PCDHGA6: variants seen among roughly 807,000 people sequenced by gnomAD.
PCDHGA6 encodes protocadherin gamma-A6.
PCDHGA6 carries 41 observed loss-of-function variants against 60.6 expected under a neutral mutation model. That is an observed-to-expected ratio of 0.68 (90% confidence interval 0.53 to 0.88). PCDHGA6 has a LOEUF of 0.88. Among genes scored for constraint, PCDHGA6 ranks in the 40% least tolerant of loss-of-function variants. The pLI is 0.00. For synonymous variants in PCDHGA6, 594 were observed against 524.4 expected, an observed-to-expected ratio of 1.13 and a Z score of -1.81; for missense variants, 1,312 against 1,203.0, an observed-to-expected ratio of 1.09 and a Z score of -1.34.
chr5:141,376,590 G>T, intron 1 of PCDHGA6, 83 bp downstream of exon 1: 3 of 1,570,160 alleles, frequency 1.9e-6, no homozygotes, highest in Non-Finnish European at 1.7e-6. Flanking sequence ...CAGCTAGATC[G>T]GCTGTTATAG....
intron 1 of PCDHGA6, chr5:141,392,880 C>G (rs779595460): frequency 3.1e-6 from 5 of 1,613,564 alleles, no homozygotes; most frequent in Non-Finnish European, 2.5e-6. Flanking sequence ...GCTGGGAACG[C>G]TGTGGGAAAT....
chr5:141,480,112 C>T (rs531082602), intron 1 of PCDHGA6, among the ~76,000 whole-genome samples: 2 of 152,190 alleles, frequency 1.3e-5, no homozygotes, highest in Admixed American at 1.3e-4. Flanking sequence ...TAGCATGGTG[C>T]CTGGCATATC....
rs1231863269 is a variant in PCDHGA6 at position 141,485,594 on chromosome 5, G to A, written c.2425-9213G>A. 1.9e-6 allele frequency: 3 copies of A among 1,612,578 alleles called. No individual in the cohort carries two copies. The highest frequency in any genetic ancestry group is 2.5e-6 in the Non-Finnish European group (3 of 1,178,798). On this transcript the variant is annotated intron_variant, in intron 1 of 3. Transcript: ENST00000517434. The surrounding 1 kb of genome is among the most constrained non-coding windows in gnomAD (Gnocchi z 5.7). ...TTTTCCGCGGCAGCAGCTGGACTTGGAAATTGGGGAGGCAGCTCCTCCAGG... is the reference window on the plus strand; with the variant it reads ...TTTTCCGCGGCAGCAGCTGGACTTGAAAATTGGGGAGGCAGCTCCTCCAGG...
rs1193497090 is a variant in PCDHGA6 at position 141,485,890 on chromosome 5, C to T, written c.2425-8917C>T. On this transcript the variant is annotated intron_variant, in intron 1 of 3. Coordinates refer to ENST00000517434, the MANE Select transcript of PCDHGA6 (RefSeq NM_018919.3). This position sits in a 1 kb window ranked among gnomAD's most constrained non-coding sequence, Gnocchi z 5.7. ...CCGTGCTGGACGTAAACGACAACGC[C>T]CCAGCCTTCCAGCAATCCAGCTACA... The T allele has an allele frequency of 6.2e-6, 10 of 1,614,156 alleles. No homozygotes were observed. Among genetic ancestry groups the T allele is most frequent in the Non-Finnish European group, 6.8e-6 (8 of 1,180,022 alleles).
chr5:141,434,789 T>C (rs2097718008), intron 1 of PCDHGA6, among the ~76,000 whole-genome samples: 1 of 152,008 alleles, frequency 6.6e-6, no homozygotes, highest in African/African-American at 2.4e-5. Context: ...AAAAAATTTT[T>C]TTTTCTGAGC....
chr5:141,421,680 G>A (rs2096591907), intron 1 of PCDHGA6: 5 of 1,613,758 alleles, frequency 3.1e-6, no homozygotes, highest in Non-Finnish European at 4.2e-6. Context: ...TTCCTGGGGC[G>A]CGATTTGCTC....
chr5:141,454,493 A>G (rs1328573277), intron 1 of PCDHGA6, among the ~76,000 whole-genome samples: 1 of 151,866 alleles, frequency 6.6e-6, no homozygotes, highest in Non-Finnish European at 1.5e-5. Context: ...CGCAACCTCC[A>G]CCTCCTGGAT....
chr5:141,467,535 G>C (rs2099145685), intron 1 of PCDHGA6, among the ~76,000 whole-genome samples: 1 of 152,176 alleles, frequency 6.6e-6, no homozygotes, highest in South Asian at 2.1e-4. Flanking sequence ...GCTGAGATAT[G>C]GATCTGATTA....
intron 1 of PCDHGA6, among the ~76,000 whole-genome samples, chr5:141,453,643 T>G (rs1267570786): frequency 2.6e-5 from 4 of 152,240 alleles, no homozygotes; most frequent in Non-Finnish European, 5.9e-5. Flanking sequence ...TATATTTTCT[T>G]ATGTCCTCTT....
intron 1 of PCDHGA6, chr5:141,384,043 G>A (rs367639640): frequency 1.6e-5 from 26 of 1,612,650 alleles, no homozygotes; most frequent in Admixed American, 3.3e-5. Flanking sequence ...GAATGGTGAG[G>A]TGACCTGCAC....
chr5:141,399,327 G>C (rs2093787081), intron 1 of PCDHGA6: 2 of 1,613,936 alleles, frequency 1.2e-6, no homozygotes, highest in African/African-American at 1.3e-5. Flanking sequence ...CGTATAAGTT[G>C]GTAACAGATG....
chr5:141,374,657 C>T lies in PCDHGA6; in HGVS notation c.574C>T (p.Pro192Ser). The stretch of plus-strand genomic sequence containing the variant: ...AAGCGAAGCCCATGGGCCCAAGTAC[C>T]CGGAGCTGGTGCTGGAGGGCACACT... ...VQSEAHGPKY[P>S]ELVLEGTLDR... The change falls in exon 1 of 4, where the codon CCG becomes TCG. Residue 192 changes from proline to serine, a missense_variant. By Grantham distance (74) the Pro-to-Ser change is moderately conservative. Coordinates refer to ENST00000517434, the MANE Select transcript of PCDHGA6 (RefSeq NM_018919.3). The T allele has an allele frequency of 6.2e-7, 1 of 1,612,018 alleles. No homozygotes were observed. The highest frequency in any genetic ancestry group is 8.5e-7 in the Non-Finnish European group (1 of 1,178,966).
At chr5:141,422,997 C>T (rs114907564) in intron 1 of PCDHGA6, 28,679 of 1,614,218 alleles carry the variant, frequency 0.018, 311 homozygotes, top group Non-Finnish European at 0.021. Context: ...ACCTGGTGAC[C>T]AAGGTGGTTG....
At chr5:141,495,065 T>C (rs1413025171) in intron 2 of PCDHGA6, among the ~76,000 whole-genome samples, 200 bp downstream of exon 2, 1 of 152,148 alleles carries the variant, frequency 6.6e-6, no homozygotes, top group Admixed American at 6.5e-5. Flanking sequence ...TTCAGGAAGC[T>C]CAATTCACAT....
At chr5:141,473,907 C>A (rs552055360) in intron 1 of PCDHGA6, among the ~76,000 whole-genome samples, 1 of 152,102 alleles carries the variant, frequency 6.6e-6, no homozygotes. Flanking sequence ...ATGAAGAGGT[C>A]TTAAGAAAAC....
intron 3 of PCDHGA6, chr5:141,506,955 C>T (rs1387377785): frequency 2.6e-5 from 4 of 152,362 alleles, no homozygotes; most frequent in South Asian, 2.1e-4. Context: ...AATGAATCCT[C>T]TCAATAGCTC....
chr5:141,449,078 C>T (rs1342751417), intron 1 of PCDHGA6, among the ~76,000 whole-genome samples: 1 of 152,052 alleles, frequency 6.6e-6, no homozygotes, highest in Non-Finnish European at 1.5e-5. Flanking sequence ...AGCCCTGTAC[C>T]TACATCAGTT....
In PCDHGA6 at chr5:141,389,482, G is replaced by A. The variant is rs766365115; in HGVS notation, c.2424+12975G>A. ...GCCTTCGAACTCACACTGCAGGCCC[G>A]CGACCAGGGCTCGCCAGCGCTCAGC... is the stretch of plus-strand genomic sequence containing the variant. On this transcript the variant is annotated intron_variant, in intron 1 of 3. Transcript: ENST00000517434. 4 of 1,613,080 alleles carry A rather than the reference G, an allele frequency of 2.5e-6. No homozygotes were observed. The South Asian group carries it at 3.3e-5, about 13-fold the overall frequency.
In PCDHGA6 at chr5:141,485,429, A is replaced by T. The variant is rs1388904857; in HGVS notation, c.2425-9378A>T. On this transcript the variant is annotated intron_variant, in intron 1 of 3. Transcript: ENST00000517434. This position sits in a 1 kb window ranked among gnomAD's most constrained non-coding sequence, Gnocchi z 5.7. Reference sequence around the variant, plus strand: ...GGATTTGGACAGCGGAGCCCTGCTCATCAAGAACCCAATCGACCGAGAGGC... The same window carrying T: ...GGATTTGGACAGCGGAGCCCTGCTCTTCAAGAACCCAATCGACCGAGAGGC... The T allele has an allele frequency of 6.2e-7, 1 of 1,614,090 alleles. No homozygotes were observed. Among genetic ancestry groups the T allele is most frequent in the Non-Finnish European group, 8.5e-7 (1 of 1,180,052 alleles).
Sources: gnomAD v4.1 joint callset for allele counts (sites outside exome capture counted in the v4.1 genomes callset) on GRCh38, gnomAD v4.1.1 for gene constraint, Gnocchi (gnomAD v3.1) non-coding constraint, MANE v1.5 for transcripts, NCBI Gene and HGNC (gene_info 2026-07-23, HGNC 2026-07-21) for gene names.